NEGR1: variants seen among roughly 807,000 people sequenced by gnomAD.
NEGR1 encodes neuronal growth regulator 1.
In NEGR1, 10 loss-of-function variants were observed where a neutral mutation model predicts 40.9. The observed-to-expected ratio is 0.24, with a 90% CI of 0.15 to 0.42. The LOEUF is 0.42. NEGR1 is among the 10% of genes least tolerant of loss of function. The pLI is 1.00. For synonymous variants in NEGR1, 185 were observed against 166.8 expected (o/e 1.11, Z -0.84); for missense variants, 352 against 438.9 (o/e 0.80, Z 1.77).
chr1:71,819,529 C>T (rs191042683), intron 2 of NEGR1, among the ~76,000 whole-genome samples: 2 of 151,560 alleles, frequency 1.3e-5, no homozygotes, highest in Admixed American at 1.3e-4. Flanking sequence ...TTTACTAAAA[C>T]TAAAAATTGA....
At chr1:71,411,403 A>C (rs1338559866) in intron 6 of NEGR1, among the ~76,000 whole-genome samples, 1 of 152,168 alleles carries the variant, frequency 6.6e-6, no homozygotes, top group African/African-American at 2.4e-5. Context: ...GTCAGCATAG[A>C]TGAACCCATA....
At chr1:71,804,106 G>A (rs528097706) in intron 2 of NEGR1, among the ~76,000 whole-genome samples, 2 of 152,150 alleles carry the variant, frequency 1.3e-5, no homozygotes, top group Non-Finnish European at 2.9e-5. Flanking sequence ...GGAATCAGGA[G>A]TCTAGTATAC....
chr1:71,745,673 G>A (rs978841020), intron 3 of NEGR1, among the ~76,000 whole-genome samples: 1 of 152,136 alleles, frequency 6.6e-6, no homozygotes, highest in Admixed American at 6.6e-5. Context: ...ATAACTCAAA[G>A]TGAAGGCTTA....
At chr1:72,038,978 A>G (rs1241754382) in intron 1 of NEGR1, among the ~76,000 whole-genome samples, 1 of 152,008 alleles carries the variant, frequency 6.6e-6, no homozygotes. Flanking sequence ...AGTACATGAA[A>G]AAGAAAATTT....
chr1:71,701,506 T>G (rs913271815), intron 3 of NEGR1, among the ~76,000 whole-genome samples: 2 of 152,032 alleles, frequency 1.3e-5, no homozygotes, highest in Non-Finnish European at 2.9e-5. Context: ...TCTACTGTTT[T>G]CTTCTTTCAC....
At chr1:71,669,926 C>A (rs1437885181) in intron 4 of NEGR1, among the ~76,000 whole-genome samples, 1 of 152,116 alleles carries the variant, frequency 6.6e-6, no homozygotes, top group African/African-American at 2.4e-5. Context: ...GGATTATAGG[C>A]GTGAGCCACC....
chr1:71,581,714 TA>T (rs397758102), intron 6 of NEGR1, among the ~76,000 whole-genome samples: 12 of 150,684 alleles, frequency 8.0e-5, no homozygotes, highest in African/African-American at 1.2e-4. Flanking sequence ...TTTTTTTTTT[TA>T]AATTTGAGAC....
intron 1 of NEGR1, among the ~76,000 whole-genome samples, chr1:72,211,537 GCTGTCTT>G (rs1226802481): frequency 1.3e-5 from 2 of 151,282 alleles, no homozygotes; most frequent in Admixed American, 1.3e-4. Flanking sequence ...ATACAAGCCA[GCTGTCTT>G]CTATTAATTC....
intron 4 of NEGR1, among the ~76,000 whole-genome samples, chr1:71,688,073 T>C (rs1019768328): frequency 1.3e-5 from 2 of 151,672 alleles, no homozygotes; most frequent in African/African-American, 4.8e-5. Flanking sequence ...TGCTAGGTAC[T>C]GGGAATAATA....
intron 6 of NEGR1, among the ~76,000 whole-genome samples, chr1:71,433,943 T>C (rs1380355200): frequency 2.6e-5 from 4 of 152,230 alleles, no homozygotes; most frequent in Admixed American, 6.5e-5. Context: ...TAAATACCAA[T>C]AATTGAAGTC....
intron 1 of NEGR1, among the ~76,000 whole-genome samples, chr1:72,094,043 T>C (rs918820290): frequency 3.3e-4 from 50 of 152,180 alleles, no homozygotes; most frequent in African/African-American, 1.2e-3. Context: ...CCCTTTTCTT[T>C]ACAATTTAAT....
intron 2 of NEGR1, among the ~76,000 whole-genome samples, chr1:71,873,588 C>T (rs555429806): frequency 6.6e-6 from 1 of 152,224 alleles, no homozygotes; most frequent in East Asian, 1.9e-4. Flanking sequence ...ACATTGTGCA[C>T]TCTAAATAAT....
chr1:71,686,965 C>T (rs1653060561), intron 4 of NEGR1, among the ~76,000 whole-genome samples: 1 of 152,134 alleles, frequency 6.6e-6, no homozygotes, highest in Non-Finnish European at 1.5e-5. Flanking sequence ...CAGCTAATTA[C>T]TGATATACTT....
chr1:71,643,001 G>C (rs891235029), intron 4 of NEGR1, among the ~76,000 whole-genome samples: 1 of 151,870 alleles, frequency 6.6e-6, no homozygotes, highest in East Asian at 1.9e-4. Context: ...TAAAGAAGGG[G>C]AATAAAAAGA....
At chr1:72,230,814 A>G (rs191760225) in intron 1 of NEGR1, among the ~76,000 whole-genome samples, 10 of 152,266 alleles carry the variant, frequency 6.6e-5, no homozygotes, top group Admixed American at 5.2e-4. Context: ...CAAATAATAA[A>G]TTATATGAAA....
At chr1:72,111,971 T>C (rs1649388251) in intron 1 of NEGR1, among the ~76,000 whole-genome samples, 3 of 151,812 alleles carry the variant, frequency 2.0e-5, no homozygotes, top group Admixed American at 6.6e-5. Context: ...TCCACTTAGG[T>C]GACGATCATT....
chr1:72,078,481 C>T (rs541351512), intron 1 of NEGR1, among the ~76,000 whole-genome samples: 177 of 152,022 alleles, frequency 1.2e-3, no homozygotes, highest in Non-Finnish European at 2.1e-3. Flanking sequence ...TTTTATGAAT[C>T]TATTTTTGCT....
chr1:72,088,961 C>G (rs544603372), intron 1 of NEGR1, among the ~76,000 whole-genome samples: 36 of 151,934 alleles, frequency 2.4e-4, no homozygotes, highest in Admixed American at 1.4e-3. Context: ...AGGTGTTAGC[C>G]ACAGCGTCTG....
chr1:71,429,567 G>A (rs1363125054), intron 6 of NEGR1, among the ~76,000 whole-genome samples: 1 of 152,154 alleles, frequency 6.6e-6, no homozygotes, highest in Non-Finnish European at 1.5e-5. Context: ...CCAGTGCACA[G>A]TGCATTCCAT....
Sources: gnomAD v4.1 joint callset for allele counts (sites outside exome capture counted in the v4.1 genomes callset) on GRCh38, gnomAD v4.1.1 for gene constraint, MANE v1.5 for transcripts, NCBI Gene and HGNC (gene_info 2026-07-23, HGNC 2026-07-21) for gene names.